MAGI1: variants seen among roughly 807,000 people sequenced by gnomAD.
The protein encoded by MAGI1 is membrane associated guanylate kinase, WW and PDZ domain containing 1.
Under a neutral mutation model 139.9 loss-of-function variants are expected in MAGI1, and 58 were observed. The ratio of observed to expected loss-of-function variants is 0.41; its 90% CI spans 0.34 to 0.52. The LOEUF is 0.52. Among genes scored for constraint, MAGI1 ranks in the 20% least tolerant of loss-of-function variants. MAGI1 has a pLI of 0.12. For missense variants in MAGI1, 1,874 were observed against 1,901.6 expected (o/e 0.99, Z 0.27); for synonymous variants, 812 against 737.9 (o/e 1.10, Z -1.63).
intron 1 of MAGI1, among the ~76,000 whole-genome samples, chr3:65,700,030 C>A (rs1359123647): frequency 6.6e-6 from 1 of 152,050 alleles, no homozygotes; most frequent in Non-Finnish European, 1.5e-5. Flanking sequence ...GAAAACTACT[C>A]CCCTAAAGAA....
At chr3:65,893,595 C>A (rs2060853374) in intron 1 of MAGI1, among the ~76,000 whole-genome samples, 1 of 152,110 alleles carries the variant, frequency 6.6e-6, no homozygotes, top group Non-Finnish European at 1.5e-5. Flanking sequence ...ATTAAGAAAA[C>A]AGACACAAAG....
intron 1 of MAGI1, among the ~76,000 whole-genome samples, chr3:65,651,223 C>A (rs2085559875): frequency 6.6e-6 from 1 of 152,170 alleles, no homozygotes. Flanking sequence ...TGGACTTATC[C>A]AGGCTCATTA....
chr3:65,714,169 C>T (rs1395085384), intron 1 of MAGI1, among the ~76,000 whole-genome samples: 1 of 152,104 alleles, frequency 6.6e-6, no homozygotes, highest in Admixed American at 6.6e-5. Context: ...ACAGACGTTC[C>T]GTAACTGGCA....
chr3:65,641,214 GCT>G (rs1285778818), intron 1 of MAGI1, among the ~76,000 whole-genome samples: 1 of 152,188 alleles, frequency 6.6e-6, no homozygotes. Flanking sequence ...GCACAGAGCT[GCT>G]CTCTCTTGGG....
Position 65,958,791 on chromosome 3 carries a change from A to G in MAGI1, c.313+79205T>C, listed in dbSNP as rs539479887. On this transcript the variant is annotated intron_variant, in intron 1 of 22. Transcript: ENST00000402939. ...CACTTGAGGCCAAGAGTTCGAGACC[A>G]GCCTAGCCAACATGGTGAAACCCTG... is the stretch of plus-strand genomic sequence containing the variant. Among the ~76,000 whole-genome samples, 5 of 152,308 alleles carry G rather than the reference A, an allele frequency of 3.3e-5. No individual in the cohort carries two copies. The South Asian group carries it at 8.3e-4, about 25-fold the overall frequency.
intron 1 of MAGI1, among the ~76,000 whole-genome samples, chr3:65,654,614 T>A (rs1269825189): frequency 6.6e-6 from 1 of 152,208 alleles, no homozygotes; most frequent in East Asian, 1.9e-4. Flanking sequence ...TAGTGACATA[T>A]GAGTAATGAC....
chr3:65,622,050 G>C lies in MAGI1; in HGVS notation c.352C>G (p.Gln118Glu), dbSNP rs766659472. 1 of 1,614,052 alleles carries C rather than the reference G, an allele frequency of 6.2e-7. No homozygotes were observed. The highest frequency in any genetic ancestry group is 1.7e-5 in the Admixed American group (1 of 60,022). ...TCAGGAGACCCCTTCTGGAATCGCT[G>C]ATTGAGAAAATGTCGCAGGTCCTTG... ...LNKDLRHFLN[Q>E]RFQKGSPDHE... The change falls in exon 2 of 23, where the codon CAG becomes GAG. Residue 118 changes from glutamine (Q) to glutamate (E), a missense_variant. Physicochemically the swap from Gln to Glu is conservative, Grantham distance 29. This residue lies in a region of MAGI1 where 648 missense variants were observed against 598.1 expected (regional missense o/e 1.08). Transcript: ENST00000402939.
At chr3:65,361,001 C>T (rs1940800579) in intron 22 of MAGI1, 198 bp downstream of exon 22, 1 of 1,460,198 alleles carries the variant, frequency 6.8e-7, no homozygotes, top group African/African-American at 1.4e-5. Context: ...TAGGCCATGC[C>T]CCAGTCCACG....
chr3:65,836,155 A>G (rs574064219), intron 1 of MAGI1, among the ~76,000 whole-genome samples: 5 of 152,214 alleles, frequency 3.3e-5, no homozygotes, highest in Non-Finnish European at 7.3e-5. Context: ...GAAGGGAGGT[A>G]CAACCATTCC....
chr3:65,554,350 T>C lies in MAGI1; in HGVS notation c.431-60719A>G, dbSNP rs1387791178. Among the ~76,000 whole-genome samples, 3 of 152,266 alleles carry C rather than the reference T, an allele frequency of 2.0e-5. No individual in the cohort carries two copies. The East Asian group carries it at 5.8e-4, about 29-fold the overall frequency. ...GATTTGAGTAAAGTCTGACAAAAGATGACAAGAGGCACATCAGCTCTGACA... is the reference window on the plus strand; with the variant it reads ...GATTTGAGTAAAGTCTGACAAAAGACGACAAGAGGCACATCAGCTCTGACA... On this transcript the variant is annotated intron_variant, in intron 2 of 22. Coordinates refer to ENST00000402939, the MANE Select transcript of MAGI1 (RefSeq NM_001033057.2).
chr3:65,590,980 A>T (rs925032347), intron 2 of MAGI1, among the ~76,000 whole-genome samples: 1 of 152,222 alleles, frequency 6.6e-6, no homozygotes, highest in African/African-American at 2.4e-5. Context: ...TAAAATGTGC[A>T]TTCTCTTTAA....
rs759120883 is a variant in MAGI1, at chr3:65,470,436, G to A, written c.806C>T (p.Pro269Leu). 5 of 1,613,694 alleles carry A rather than the reference G, an allele frequency of 3.1e-6. No homozygotes were observed. Among genetic ancestry groups the A allele is most frequent in the Admixed American group, 3.3e-5 (2 of 59,958 alleles). ...AGCGATGATGCTACTATTCACAGGTGGTAATGCTGTTTCTTGGAGAGTGTG... is the reference window on the plus strand; with the variant it reads ...AGCGATGATGCTACTATTCACAGGTAGTAATGCTGTTTCTTGGAGAGTGTG... The part of the protein sequence containing the change: ...EEHTLQETAL[P>L]PVNSSIIAAP... Residue 269 changes from proline to leucine, a missense_variant, in exon 5 of 23, where the codon CCA becomes CTA. Around this residue, in one of 5 missense-constraint regions of MAGI1, gnomAD observed 648 missense variants for 598.1 expected, o/e 1.08. Transcript: ENST00000402939.
At chr3:65,951,272 A>G (rs189507252) in intron 1 of MAGI1, among the ~76,000 whole-genome samples, 292 of 152,316 alleles carry the variant, frequency 1.9e-3, no homozygotes, top group Non-Finnish European at 2.3e-3. Flanking sequence ...GACTTGTCAT[A>G]TACCTCACAT....
At chr3:65,925,812 T>G (rs763290070) in intron 1 of MAGI1, among the ~76,000 whole-genome samples, 1 of 152,168 alleles carries the variant, frequency 6.6e-6, no homozygotes, top group Non-Finnish European at 1.5e-5. Context: ...CCTGAGTAGC[T>G]AGGACTACAG....
Position 65,488,278 on chromosome 3 carries a change from C to G in MAGI1, c.550+5234G>C, listed in dbSNP as rs181957582. Among the ~76,000 whole-genome samples the G allele has an allele frequency of 4.5e-3, 686 of 152,306 alleles. 3 individuals are homozygous for G. The highest frequency in any genetic ancestry group is 0.016 in the African/African-American group (650 of 41,568). On this transcript the variant is annotated intron_variant, in intron 3 of 22. Transcript: ENST00000402939. ...GGGAGTCTGCCAAAACTAGATGAAG[C>G]TTTCTATAAGCTTCTGGAGCGCTGT... is the stretch of plus-strand genomic sequence containing the variant.
intron 12 of MAGI1, among the ~76,000 whole-genome samples, chr3:65,424,834 T>C (rs908557919): frequency 8.5e-5 from 13 of 152,262 alleles, no homozygotes; most frequent in African/African-American, 2.6e-4. Context: ...AAGCCTAACA[T>C]TTTTTGCAAC....
chr3:65,823,385 T>A (rs1165129997), intron 1 of MAGI1, among the ~76,000 whole-genome samples: 1 of 152,230 alleles, frequency 6.6e-6, no homozygotes, highest in Non-Finnish European at 1.5e-5. Context: ...CTTGTTCTGT[T>A]CTATTTCCAG....
chr3:65,495,240 T>C (rs1490158316), intron 2 of MAGI1, among the ~76,000 whole-genome samples: 1 of 152,208 alleles, frequency 6.6e-6, no homozygotes, highest in Non-Finnish European at 1.5e-5. Flanking sequence ...TTTCTCAGTA[T>C]CCTTGTTTGC....
intron 1 of MAGI1, among the ~76,000 whole-genome samples, chr3:65,914,622 G>T (rs1449957387): frequency 6.6e-6 from 1 of 152,178 alleles, no homozygotes; most frequent in Non-Finnish European, 1.5e-5. Context: ...ACCAGTTTGA[G>T]AGCTCTGGGA....
Sources: allele counts gnomAD v4.1 joint callset (sites outside exome capture counted in the v4.1 genomes callset), GRCh38; gene constraint gnomAD v4.1.1; regional missense constraint gnomAD v4.1.1; transcripts MANE v1.5; gene names NCBI Gene and HGNC (gene_info 2026-07-23, HGNC 2026-07-21).